PRRC2B: variants seen among roughly 807,000 people sequenced by gnomAD.
PRRC2B encodes proline rich coiled-coil 2B.
In PRRC2B, 68 loss-of-function variants were observed where a neutral mutation model predicts 242.3. That is an observed-to-expected ratio of 0.28 (90% confidence interval 0.23 to 0.34). PRRC2B has a LOEUF of 0.34. Among genes scored for constraint, PRRC2B ranks in the 10% least tolerant of loss-of-function variants. PRRC2B has a pLI of 1.00. For synonymous variants in PRRC2B, 1,228 were observed against 1,173.6 expected, an observed-to-expected ratio of 1.05 and a Z score of -0.95; for missense variants, 2,835 against 2,954.8, an observed-to-expected ratio of 0.96 and a Z score of 0.94.
chr9:131,419,498 C>A (rs534484062), intron 1 of PRRC2B, among the ~76,000 whole-genome samples: 1 of 152,272 alleles, frequency 6.6e-6, no homozygotes, highest in African/African-American at 2.4e-5. Flanking sequence ...GGAGGCTTCC[C>A]TGGCTGCATA....
intron 1 of PRRC2B, among the ~76,000 whole-genome samples, chr9:131,374,683 C>A (rs775286646): frequency 1.3e-5 from 2 of 152,034 alleles, no homozygotes; most frequent in Non-Finnish European, 2.9e-5. Context: ...TGCACCACCA[C>A]GTCCAGCTAA....
chr9:131,426,367 GAAAA>G (rs1236522899), intron 1 of PRRC2B, among the ~76,000 whole-genome samples: 1 of 139,654 alleles, frequency 7.2e-6, no homozygotes, highest in South Asian at 2.3e-4. Context: ...AAAAGAAAAA[GAAAA>G]AAAGAAGAAG....
intron 1 of PRRC2B, among the ~76,000 whole-genome samples, chr9:131,383,057 C>T (rs1836781802): frequency 1.3e-5 from 2 of 152,154 alleles, no homozygotes; most frequent in Non-Finnish European, 2.9e-5. Flanking sequence ...ATCCCCAGGC[C>T]TTTGTTCATG....
chr9:131,388,395 C>T (rs1427486042), intron 1 of PRRC2B, among the ~76,000 whole-genome samples: 1 of 148,602 alleles, frequency 6.7e-6, no homozygotes, highest in Admixed American at 7.1e-5. Flanking sequence ...CATACACCAC[C>T]ACACCCATCT....
Position 131,495,796 on chromosome 9 carries a change from C to T in PRRC2B, c.6612C>T (p.Ala2204=), listed in dbSNP as rs201052521. 13 of 1,612,958 alleles carry T rather than the reference C, an allele frequency of 8.1e-6. No homozygotes were observed. Among genetic ancestry groups the T allele is most frequent in the Non-Finnish European group, 1.1e-5 (13 of 1,179,044 alleles). Residue 2204 remains alanine, a synonymous_variant, in exon 32 of 32, where the codon GCC becomes GCT. Transcript: ENST00000683519. Reference sequence around the variant, plus strand: ...TGGGAGCCGTGAAGCTGCAGGAGGCCCCCTCGGCTGCCTCCCAGATGAAGC... The same window carrying T: ...TGGGAGCCGTGAAGCTGCAGGAGGCTCCCTCGGCTGCCTCCCAGATGAAGC... The part of the protein sequence containing the change: ...PSLGAVKLQE[A]PSAASQMKRT...
Position 131,474,568 on chromosome 9 carries a change from A to C in PRRC2B, c.2439A>C (p.Gln813His). Residue 813 changes from glutamine to histidine, a missense_variant, in exon 16 of 32, where the codon CAA becomes CAC. Gln to His is a conservative substitution (Grantham distance 24, BLOSUM62 0). Around this residue, in one of 7 missense-constraint regions of PRRC2B, gnomAD observed 1,536 missense variants for 1,483.1 expected, o/e 1.04. Transcript: ENST00000683519. ...EYLSAFDKKA[Q>H]ADFDSCISSQ... ...TGAGTGCTTTTGACAAGAAGGCCCAAGCAGACTTTGACAGCTGTATCTCTT... is the reference window on the plus strand; with the variant it reads ...TGAGTGCTTTTGACAAGAAGGCCCACGCAGACTTTGACAGCTGTATCTCTT... The C allele has an allele frequency of 6.2e-7, 1 of 1,613,994 alleles. No individual in the cohort carries two copies. The highest frequency in any genetic ancestry group is 8.5e-7 in the Non-Finnish European group (1 of 1,179,892).
chr9:131,414,836 C>T (rs952659949), intron 1 of PRRC2B, among the ~76,000 whole-genome samples: 1 of 145,452 alleles, frequency 6.9e-6, no homozygotes, highest in Non-Finnish European at 1.5e-5. Flanking sequence ...TCCCAAAGTG[C>T]TGGGATTACA....
chr9:131,380,414 C>G (rs1321862273), intron 1 of PRRC2B, among the ~76,000 whole-genome samples: 1 of 151,820 alleles, frequency 6.6e-6, no homozygotes, highest in Admixed American at 6.6e-5. Context: ...CTTATCTCTA[C>G]TAAAAATACA....
intron 1 of PRRC2B, among the ~76,000 whole-genome samples, chr9:131,398,110 T>A (rs143135420): frequency 1.6e-3 from 237 of 152,292 alleles, no homozygotes; most frequent in African/African-American, 5.6e-3. Context: ...TCTGGTGAAA[T>A]AGAATTGTTT....
chr9:131,377,994 G>A (rs183336376), intron 1 of PRRC2B, among the ~76,000 whole-genome samples: 6 of 152,194 alleles, frequency 3.9e-5, no homozygotes, highest in East Asian at 1.9e-4. Flanking sequence ...GGGCCCAAGC[G>A]ATCTTCCTAC....
intron 9 of PRRC2B, among the ~76,000 whole-genome samples, chr9:131,449,023 A>G (rs754171649): frequency 1.2e-4 from 19 of 152,156 alleles, no homozygotes; most frequent in Admixed American, 5.2e-4. Flanking sequence ...AGTTTTGCCT[A>G]GTTAACAGAC....
Position 131,477,944 on chromosome 9 carries a change from A to G in PRRC2B, c.4607A>G (p.Tyr1536Cys), listed in dbSNP as rs532008818. The G allele has an allele frequency of 6.8e-6, 11 of 1,613,572 alleles. No individual in the cohort carries two copies. Among genetic ancestry groups the G allele is most frequent in the East Asian group, 6.7e-5 (3 of 44,892 alleles). ...GEAMKQFDLNYGSAIIENCGS... is the reference protein window; with the variant it reads ...GEAMKQFDLNCGSAIIENCGS... ...GCCATGAAACAGTTTGACCTGAACTATGGAAGTAAGTCATCCTCATATCTT... is the reference window on the plus strand; with the variant it reads ...GCCATGAAACAGTTTGACCTGAACTGTGGAAGTAAGTCATCCTCATATCTT... The change falls in exon 17 of 32, where the codon TAT (tyrosine) becomes TGT (cysteine). Residue 1536 changes from tyrosine (Y) to cysteine (C), a missense_variant. Tyr to Cys is a radical substitution (Grantham distance 194). Around this residue, in one of 7 missense-constraint regions of PRRC2B, gnomAD observed 1,536 missense variants for 1,483.1 expected, o/e 1.04. Transcript: ENST00000683519.
intron 11 of PRRC2B, among the ~76,000 whole-genome samples, chr9:131,461,170 A>C (rs558742016): frequency 1.3e-5 from 2 of 152,046 alleles, no homozygotes; most frequent in African/African-American, 4.8e-5. Context: ...CCCATGTATG[A>C]CCAATCTCAT....
chr9:131,427,563 C>G (rs1271007146), intron 1 of PRRC2B, among the ~76,000 whole-genome samples: 2 of 152,178 alleles, frequency 1.3e-5, no homozygotes, highest in Non-Finnish European at 2.9e-5. Flanking sequence ...ATCTCCTGAC[C>G]TAGTGATCTG....
Position 131,475,935 on chromosome 9 carries a change from G to A in PRRC2B, c.3806G>A (p.Arg1269Gln), listed in dbSNP as rs775239943. 75 of 1,613,698 alleles carry A rather than the reference G, an allele frequency of 4.6e-5. No homozygotes were observed. Among genetic ancestry groups the A allele is most frequent in the Admixed American group, 1.8e-4 (11 of 60,010 alleles). ...AGACACCCTGACGCATTTGGTGGCC[G>A]GGGCTTTGAGGACAGCCGCGCGGAG... ...SYRHPDAFGGRGFEDSRAEDK... is the reference protein window; with the variant it reads ...SYRHPDAFGGQGFEDSRAEDK... Residue 1269 changes from arginine to glutamine, a missense_variant, in exon 16 of 32, where the codon CGG becomes CAG. This residue lies in a region of PRRC2B where 1,536 missense variants were observed against 1,483.1 expected (regional missense o/e 1.04). Coordinates refer to ENST00000683519, the MANE Select transcript of PRRC2B (RefSeq NM_013318.4).
In PRRC2B at chr9:131,482,553, T is replaced by G. The variant is rs1381673106; in HGVS notation, c.5166T>G (p.Ser1722=). 1.3e-6 allele frequency: 2 copies of G among 1,595,694 alleles called. No individual in the cohort carries two copies. The highest frequency in any genetic ancestry group is 1.7e-6 in the Non-Finnish European group (2 of 1,167,952). Residue 1722 remains serine, a synonymous_variant, in exon 21 of 32, where the codon TCT becomes TCG. Coordinates refer to ENST00000683519, the MANE Select transcript of PRRC2B (RefSeq NM_013318.4). The surrounding 1 kb of genome is among the most constrained non-coding windows in gnomAD (Gnocchi z 5.2). ...DSHKEQAPKP[S]EQKDSEQGSG... is the part of the protein sequence containing the mutation. The stretch of plus-strand genomic sequence containing the variant: ...ACAAGGAGCAGGCTCCAAAGCCATC[T>G]GAGCAGAAGGTAACCTGGACGTTCC...
chr9:131,475,030 G>A lies in PRRC2B; in HGVS notation c.2901G>A (p.Gly967=). 1 of 1,608,572 alleles carries A rather than the reference G, an allele frequency of 6.2e-7. No individual in the cohort carries two copies. Among genetic ancestry groups the A allele is most frequent in the South Asian group, 1.1e-5 (1 of 89,886 alleles). ...TTGAGAAGATTAAGCAGGAGCTAGG[G>A]GAGGAGAGTACCCGGCTGGCCAAGG... ...KELEKIKQEL[G]EESTRLAKEK... Residue 967 remains glycine, a synonymous_variant, in exon 16 of 32, where the codon GGG becomes GGA. Transcript: ENST00000683519.
At chr9:131,486,213 G>A (rs764706742) in intron 26 of PRRC2B, 31 bp downstream of exon 26, 1 of 1,458,796 alleles carries the variant, frequency 6.9e-7, no homozygotes, top group Non-Finnish European at 9.5e-7. Flanking sequence ...GGCCTGGCTG[G>A]GGGTGGTGGG....
In PRRC2B at chr9:131,432,793, A is replaced by T; in HGVS notation, c.292A>T (p.Ser98Cys). 1 of 1,613,584 alleles carries T rather than the reference A, an allele frequency of 6.2e-7. No individual in the cohort carries two copies. Residue 98 changes from serine (S) to cysteine (C), a missense_variant and splice_region_variant, in exon 3 of 32, where the codon AGT becomes TGT. By Grantham distance (112) the Ser-to-Cys change is moderately radical. This residue lies in a region of PRRC2B where 626 missense variants were observed against 685.5 expected (regional missense o/e 0.91). Coordinates refer to ENST00000683519, the MANE Select transcript of PRRC2B (RefSeq NM_013318.4). ...CAAGCAGGATCAGCAAGACCCAAAG[A>T]GGTAAACGGAGGAGGCGGGTGGTGA... The part of the protein sequence containing the change: ...ANKQDQQDPK[S>C]SSATASQPPE...
Sources: allele counts gnomAD v4.1 joint callset (sites outside exome capture counted in the v4.1 genomes callset), GRCh38; gene constraint gnomAD v4.1.1; regional missense constraint gnomAD v4.1.1; non-coding constraint Gnocchi (gnomAD v3.1); transcripts MANE v1.5; gene names NCBI Gene and HGNC (gene_info 2026-07-23, HGNC 2026-07-21).